Variants in CLIC5 observed in about 807,000 individuals in gnomAD.
The protein encoded by CLIC5 is CLIC family member 5, also known as chloride intracellular channel protein 5.
Under a neutral mutation model 24.7 loss-of-function variants are expected in CLIC5, and 20 were observed. The observed-to-expected ratio is 0.81, with a 90% CI of 0.57 to 1.18. CLIC5 has a LOEUF of 1.18. Ranked by LOEUF, CLIC5 falls within the 50% of genes most tolerant of loss-of-function variation. CLIC5 has a pLI of 0.00. For synonymous variants in CLIC5, 159 were observed against 135.6 expected, an observed-to-expected ratio of 1.17 and a Z score of -1.20; for missense variants, 341 against 326.1, an observed-to-expected ratio of 1.05 and a Z score of -0.35.
At chr6:46,127,143 T>C in the CLIC5 span, among the ~76,000 whole-genome samples, 1 of 152,228 alleles carries the variant, frequency 6.6e-6, no homozygotes, top group Non-Finnish European at 1.5e-5. Context: ...AGATGTGATA[T>C]TTTGTTACAT....
chr6:45,910,633 T>C (rs978114062), intron 5 of CLIC5, among the ~76,000 whole-genome samples: 8 of 152,252 alleles, frequency 5.3e-5, no homozygotes, highest in African/African-American at 1.9e-4. Context: ...TACTCAGCCC[T>C]ACATAGCTGA....
At chr6:46,090,426 C>A in the CLIC5 span, among the ~76,000 whole-genome samples, 1 of 148,890 alleles carries the variant, frequency 6.7e-6, no homozygotes, top group South Asian at 2.1e-4. Flanking sequence ...TTTTCCACTT[C>A]CCAATTATTT....
At chr6:46,047,607 C>A (rs961711174) in intron 1 of CLIC5, among the ~76,000 whole-genome samples, 26 of 152,206 alleles carry the variant, frequency 1.7e-4, no homozygotes, top group African/African-American at 4.8e-4. Flanking sequence ...ATAACAAATG[C>A]ACCATATATT....
At position 45,914,410 on chromosome 6, in the gene CLIC5, C is replaced by A. The variant is rs1303886852; in HGVS notation, c.407-1G>T. ...GCCTTGGTTAGGCCTCTTTCAAGAG[C>A]TGGCATGAAAGAGTAAAAGGGCCTT... is the stretch of plus-strand genomic sequence containing the variant. On this transcript the variant is annotated splice_acceptor_variant, in intron 4 of 5. Transcript: ENST00000339561. LOFTEE classifies it high-confidence loss of function. 1 of 1,562,978 alleles carries A rather than the reference C, an allele frequency of 6.4e-7. No individual in the cohort carries two copies. Among genetic ancestry groups the A allele is most frequent in the Non-Finnish European group, 8.7e-7 (1 of 1,144,840 alleles).
At chr6:46,008,168 C>T (rs879829179) in intron 1 of CLIC5, among the ~76,000 whole-genome samples, 1 of 152,184 alleles carries the variant, frequency 6.6e-6, no homozygotes, top group Non-Finnish European at 1.5e-5. Flanking sequence ...ATACCACTTA[C>T]CTCCCATTCA....
the CLIC5 span, chr6:46,097,136 T>C: frequency 8.8e-4 from 134 of 152,340 alleles, no homozygotes; most frequent in African/African-American, 3.1e-3. Flanking sequence ...GATATGTTGC[T>C]GAAATGTTTG....
chr6:46,030,336 T>C (rs140333205), intron 1 of CLIC5, among the ~76,000 whole-genome samples: 1 of 152,292 alleles, frequency 6.6e-6, no homozygotes, highest in East Asian at 1.9e-4. Context: ...ACCAAGTGTC[T>C]ACTCTGAGAT....
intron 4 of CLIC5, among the ~76,000 whole-genome samples, chr6:45,926,875 T>C (rs1661748127): frequency 6.6e-6 from 1 of 152,228 alleles, no homozygotes; most frequent in African/African-American, 2.4e-5. Flanking sequence ...TTATTCACCA[T>C]GAAGCTTGAT....
At chr6:46,077,116 G>A (rs557969399) in intron 1 of CLIC5, among the ~76,000 whole-genome samples, 69 of 152,068 alleles carry the variant, frequency 4.5e-4, no homozygotes, top group South Asian at 2.1e-4. Flanking sequence ...CATGGGAGAC[G>A]AGACTTTTTT....
At chr6:46,127,293 C>T in the CLIC5 span, among the ~76,000 whole-genome samples, 1 of 151,956 alleles carries the variant, frequency 6.6e-6, no homozygotes, top group African/African-American at 2.4e-5. Flanking sequence ...CTATAGTCAC[C>T]CTACTCTCCT....
At chr6:45,910,799 G>A (rs72871421) in intron 5 of CLIC5, among the ~76,000 whole-genome samples, 2,952 of 152,322 alleles carry the variant, frequency 0.019, 40 homozygotes, top group Admixed American at 0.034. Context: ...AATCCTGTTA[G>A]GTTCTGCCAA....
intron 4 of CLIC5, among the ~76,000 whole-genome samples, chr6:45,933,928 C>G (rs2127354956): frequency 6.6e-6 from 1 of 152,218 alleles, no homozygotes; most frequent in Admixed American, 6.5e-5. Flanking sequence ...GGAGAGGAGT[C>G]AGAGCAGCAG....
At chr6:46,120,492 C>G in the CLIC5 span, among the ~76,000 whole-genome samples, 1 of 152,170 alleles carries the variant, frequency 6.6e-6, no homozygotes, top group Non-Finnish European at 1.5e-5. Flanking sequence ...AAAAACAGAA[C>G]AGAAAAACTG....
chr6:46,117,788 T>C, the CLIC5 span, among the ~76,000 whole-genome samples: 1 of 146,252 alleles, frequency 6.8e-6, no homozygotes, highest in Non-Finnish European at 1.5e-5. Context: ...AAATATTATC[T>C]TATTTCACTG....
chr6:46,041,866 TTTA>T (rs1395780962), intron 1 of CLIC5, among the ~76,000 whole-genome samples: 2 of 152,202 alleles, frequency 1.3e-5, no homozygotes, highest in Admixed American at 6.5e-5. Context: ...AGAGTTAATG[TTTA>T]TTATTATTTG....
At chr6:46,013,595 A>T (rs965058571) in intron 1 of CLIC5, among the ~76,000 whole-genome samples, 1 of 152,154 alleles carries the variant, frequency 6.6e-6, no homozygotes, top group Non-Finnish European at 1.5e-5. Flanking sequence ...ACAAATGACA[A>T]CACAGTCATT....
At position 45,953,237 on chromosome 6, in the gene CLIC5, AT is replaced by A. The variant is rs936932017; in HGVS notation, c.173+1897del. 1.0e-3 allele frequency among the ~76,000 whole-genome samples: 152 copies of A among 151,384 alleles called. 1 individual carries two copies. The highest frequency in any genetic ancestry group is 3.5e-3 in the Middle Eastern group (1 of 288). On this transcript the variant is annotated intron_variant, in intron 2 of 5. Coordinates refer to ENST00000339561, the MANE Select transcript of CLIC5 (RefSeq NM_016929.5). ...CCTTCACAGGATTATACATTATGTGATTTTTTTTTAATGAGAAAGCATTTAC... is the reference window on the plus strand; with the variant it reads ...CCTTCACAGGATTATACATTATGTGATTTTTTTTAATGAGAAAGCATTTAC...
chr6:46,058,707 C>T (rs1477984206), intron 1 of CLIC5, among the ~76,000 whole-genome samples: 1 of 152,134 alleles, frequency 6.6e-6, no homozygotes, highest in East Asian at 1.9e-4. Flanking sequence ...CTCACTACAA[C>T]CTTTACAAAC....
intron 1 of CLIC5, among the ~76,000 whole-genome samples, chr6:46,042,084 TTC>T (rs1767822978): frequency 6.6e-6 from 1 of 152,190 alleles, no homozygotes; most frequent in African/African-American, 2.4e-5. Context: ...GAGAATAATG[TTC>T]TCTTTTATTG....
Sources: allele counts gnomAD v4.1 joint callset (sites outside exome capture counted in the v4.1 genomes callset), GRCh38; gene constraint gnomAD v4.1.1; transcripts MANE v1.5; gene names NCBI Gene and HGNC (gene_info 2026-07-23, HGNC 2026-07-21).